The following GRB14 variants were observed in gnomAD, a reference collection of about 807,000 sequenced individuals.
GRB14 encodes the protein growth factor receptor-bound protein 14.
GRB14 carries 38 observed loss-of-function variants against 69.1 expected under a neutral mutation model. The observed-to-expected ratio is 0.55, with a 90% CI of 0.42 to 0.72. The LOEUF (loss-of-function observed/expected upper bound fraction) is 0.72, where lower values mean the gene tolerates loss of function less well. GRB14 is among the 30% of genes least tolerant of loss of function. The pLI is 0.00. For missense variants in GRB14, 666 were observed against 666.1 expected (o/e 1.00, Z 0.00); for synonymous variants, 247 against 241.3 (o/e 1.02, Z -0.22).
chr2:164,505,959 T>C (rs375523587), intron 8 of GRB14, among the ~76,000 whole-genome samples: 2 of 152,222 alleles, frequency 1.3e-5, no homozygotes, highest in Non-Finnish European at 1.5e-5. Flanking sequence ...CACCTGCTTC[T>C]GTTTTGGGTG....
intron 13 of GRB14, among the ~76,000 whole-genome samples, chr2:164,494,050 C>T (rs13029398): frequency 0.16 from 24,017 of 151,368 alleles, 1,984 homozygotes; most frequent in Middle Eastern, 0.19. Flanking sequence ...CAAAACAAAA[C>T]AAAAAAAACA....
intron 2 of GRB14, among the ~76,000 whole-genome samples, chr2:164,619,118 T>G (rs1275814788): frequency 2.6e-5 from 4 of 152,240 alleles, no homozygotes; most frequent in Non-Finnish European, 5.9e-5. Context: ...TGGTCCTTAG[T>G]CTTCTAATTA....
chr2:164,493,231 A>C, intron 13 of GRB14, 49 bp from the exon 14 acceptor site: 1 of 1,557,300 alleles, frequency 6.4e-7, no homozygotes, highest in Non-Finnish European at 8.8e-7. Flanking sequence ...ATTACACAGA[A>C]GGACAATCAT....
intron 2 of GRB14, among the ~76,000 whole-genome samples, chr2:164,586,916 C>A (rs548549078): frequency 6.6e-6 from 1 of 152,098 alleles, no homozygotes; most frequent in Non-Finnish European, 1.5e-5. Flanking sequence ...TAATGCTTGG[C>A]AAAATTTGGA....
intron 2 of GRB14, chr2:164,573,951 T>C (rs1375592544): frequency 2.5e-6 from 4 of 1,610,694 alleles, no homozygotes; most frequent in East Asian, 4.6e-5. Flanking sequence ...CAGCAAGTGA[T>C]TGAAAAGACC....
chr2:164,508,310 T>C lies in GRB14; in HGVS notation c.1023+145A>G, dbSNP rs1035713480. 11 of 624,584 alleles carry C rather than the reference T, an allele frequency of 1.8e-5. No homozygotes were observed. In the African/African-American group the frequency reaches 2.0e-4, roughly 12 times the overall value. The allele number at this position is 624,584 out of a possible 1,614,324, so 38.7% of individuals were successfully genotyped here. On this transcript the variant is annotated intron_variant, in intron 8 of 13. Transcript: ENST00000263915. ...TCCGAAAATGTTTATCATTTAGAAT[T>C]TTAAAAACATACACATTTGGTGGTT...
At position 164,573,046 on chromosome 2, in the gene GRB14, T is replaced by C. The variant is rs1689159271; in HGVS notation, c.325-25230A>G. Among the ~76,000 whole-genome samples the C allele has an allele frequency of 4.6e-5, 7 of 152,208 alleles. 1 individual carries two copies. In the South Asian group the frequency reaches 1.4e-3, roughly 32 times the overall value. On this transcript the variant is annotated intron_variant, in intron 2 of 13. Coordinates refer to ENST00000263915, the MANE Select transcript of GRB14 (RefSeq NM_004490.3). The stretch of plus-strand genomic sequence containing the variant: ...ATTCCATCAAGCAGCCATCCCTCCA[T>C]ATAAATCATATCACTCCCTGTTTTG...
At chr2:164,504,939 T>G (rs1196035882) in intron 8 of GRB14, among the ~76,000 whole-genome samples, 2 of 152,120 alleles carry the variant, frequency 1.3e-5, no homozygotes, top group Non-Finnish European at 2.9e-5. Context: ...GCTGTGACAG[T>G]GTTGGCTTTG....
intron 9 of GRB14, among the ~76,000 whole-genome samples, chr2:164,498,500 T>C (rs1424303651): frequency 6.6e-6 from 1 of 152,164 alleles, no homozygotes; most frequent in African/African-American, 2.4e-5. Flanking sequence ...ACTCAGTTCA[T>C]AAGTTCATAC....
intron 2 of GRB14, 92 bp from the exon 3 acceptor site, chr2:164,547,908 T>C (rs1204526147): frequency 4.2e-6 from 3 of 717,188 alleles, no homozygotes; most frequent in South Asian, 3.4e-5. Flanking sequence ...TACAACACGA[T>C]ATTATGAGAT....
intron 2 of GRB14, among the ~76,000 whole-genome samples, chr2:164,568,913 G>A (rs898178246): frequency 6.6e-6 from 1 of 152,064 alleles, no homozygotes; most frequent in Non-Finnish European, 1.5e-5. Context: ...GGCACAAAGT[G>A]TTAATTTCTA....
At chr2:164,508,367 G>A (rs569324205) in intron 8 of GRB14, 88 bp downstream of exon 8, 3 of 1,007,564 alleles carry the variant, frequency 3.0e-6, no homozygotes, top group African/African-American at 3.2e-5. Flanking sequence ...GCCACCCAGT[G>A]AGACTTCACG....
At chr2:164,613,284 C>G (rs1690208929) in intron 2 of GRB14, among the ~76,000 whole-genome samples, 1 of 151,874 alleles carries the variant, frequency 6.6e-6, no homozygotes, top group South Asian at 2.1e-4. Context: ...TTTTTTTTCC[C>G]CTAGGACACT....
chr2:164,580,157 T>C (rs1402044776), intron 2 of GRB14, among the ~76,000 whole-genome samples: 1 of 150,916 alleles, frequency 6.6e-6, no homozygotes, highest in East Asian at 2.0e-4. Context: ...TGCAGTGGCG[T>C]GGTCTCGCCT....
intron 2 of GRB14, among the ~76,000 whole-genome samples, chr2:164,604,615 C>A (rs929949557): frequency 6.6e-6 from 1 of 151,420 alleles, no homozygotes; most frequent in East Asian, 1.9e-4. Flanking sequence ...CAGAAGCAAT[C>A]ATGTATGAAC....
chr2:164,508,408 T>A, intron 8 of GRB14, 47 bp downstream of exon 8: 2 of 1,435,430 alleles, frequency 1.4e-6, no homozygotes, highest in Non-Finnish European at 2.0e-6. Flanking sequence ...CTAACTTTTA[T>A]GGTACTCACA....
chr2:164,584,147 A>ATTTTTT (rs55883951), intron 2 of GRB14, among the ~76,000 whole-genome samples: 16 of 49,904 alleles, frequency 3.2e-4, no homozygotes, highest in East Asian at 1.3e-3. Flanking sequence ...CAGCCTGGCT[A>ATTTTTT]TTTTTTTTTT....
chr2:164,541,749 G>T (rs56386025), intron 3 of GRB14, among the ~76,000 whole-genome samples: 15,374 of 151,644 alleles, frequency 0.1, 1,050 homozygotes, highest in East Asian at 0.32. Flanking sequence ...ATATATGCAA[G>T]TTTTTAACAT....
intron 8 of GRB14, among the ~76,000 whole-genome samples, chr2:164,507,514 T>C (rs1435551283): frequency 6.6e-6 from 1 of 152,178 alleles, no homozygotes; most frequent in Non-Finnish European, 1.5e-5. Context: ...AATCAATATA[T>C]TGGCAAATTA....
Sources: gnomAD v4.1 joint callset for allele counts (sites outside exome capture counted in the v4.1 genomes callset) on GRCh38, gnomAD v4.1.1 for gene constraint, MANE v1.5 for transcripts, NCBI Gene and HGNC (gene_info 2026-07-23, HGNC 2026-07-21) for gene names.